Variants in TFEC observed in about 807,000 individuals in gnomAD.
The protein encoded by TFEC is class E basic helix-loop-helix protein 34.
A neutral mutation model predicts 41.6 loss-of-function variants in TFEC; 31 were observed. The observed-to-expected ratio is 0.74, with a 90% CI of 0.56 to 1.01. The LOEUF (loss-of-function observed/expected upper bound fraction) is 1.01, where lower values mean the gene tolerates loss of function less well. Among genes scored for constraint, TFEC ranks in the 50% least tolerant of loss-of-function variants. The probability of loss-of-function intolerance (pLI) is 0.00; values close to 1 mark genes in which losing one functional copy is unlikely to be tolerated. For synonymous variants in TFEC, 143 were observed against 140.6 expected, an observed-to-expected ratio of 1.02 and a Z score of -0.12; for missense variants, 402 against 404.1, an observed-to-expected ratio of 0.99 and a Z score of 0.04.
At chr7:115,946,841 G>A (rs1451817265) in intron 6 of TFEC, among the ~76,000 whole-genome samples, 1 of 150,750 alleles carries the variant, frequency 6.6e-6, no homozygotes, top group Non-Finnish European at 1.5e-5. Context: ...TGGCCCACAA[G>A]TATCACTTTA....
chr7:115,984,218 T>G lies in TFEC; in HGVS notation c.180+44A>C. On this transcript the variant is annotated intron_variant, in intron 2 of 7. Transcript: ENST00000265440. ...TTCAATTACTTTAATAGAGGTTTTT[T>G]CAAAAACTGATGATATATTTTTATA... 3 of 1,592,158 alleles carry G rather than the reference T, an allele frequency of 1.9e-6. No individual in the cohort carries two copies. In the East Asian group the frequency reaches 6.8e-5, roughly 36 times the overall value.
intron 3 of TFEC, among the ~76,000 whole-genome samples, chr7:116,048,172 TA>T (rs1288750754): frequency 2.6e-5 from 4 of 152,080 alleles, no homozygotes; most frequent in Non-Finnish European, 4.4e-5. Flanking sequence ...TTGGTAATAA[TA>T]AACTTCTCCG....
intron 1 of TFEC, among the ~76,000 whole-genome samples, chr7:116,156,186 C>A (rs1798867596): frequency 6.6e-6 from 1 of 152,050 alleles, no homozygotes; most frequent in Admixed American, 6.5e-5. Context: ...AGGCTCCCAG[C>A]CATTGGAAAG....
At chr7:116,062,110 G>A (rs955021650) in intron 3 of TFEC, among the ~76,000 whole-genome samples, 16 of 150,394 alleles carry the variant, frequency 1.1e-4, no homozygotes, top group African/African-American at 3.7e-4. Context: ...GTCCAGGCTG[G>A]ACTGCAGTGG....
intron 3 of TFEC, among the ~76,000 whole-genome samples, chr7:116,081,195 A>G (rs989220775): frequency 8.6e-5 from 13 of 151,950 alleles, no homozygotes; most frequent in African/African-American, 2.9e-4. Context: ...AGAATTATAC[A>G]TTGGACTTTG....
intron 1 of TFEC, among the ~76,000 whole-genome samples, chr7:116,029,781 T>C: frequency 6.6e-6 from 1 of 152,136 alleles, no homozygotes; most frequent in South Asian, 2.1e-4. Context: ...CTTTTGATTA[T>C]TACAATTGAA....
chr7:116,087,334 A>C (rs1411362554), intron 3 of TFEC, among the ~76,000 whole-genome samples: 4 of 152,148 alleles, frequency 2.6e-5, no homozygotes, highest in East Asian at 3.9e-4. Context: ...AGAAATAAAA[A>C]TTATCACATT....
intron 1 of TFEC, among the ~76,000 whole-genome samples, chr7:115,990,210 C>A (rs1794045024): frequency 6.6e-6 from 1 of 152,082 alleles, no homozygotes; most frequent in Admixed American, 6.6e-5. Flanking sequence ...ACATCCACAC[C>A]AAAACCCCAT....
intron 2 of TFEC, among the ~76,000 whole-genome samples, chr7:115,979,045 G>C (rs1009220324): frequency 3.9e-5 from 6 of 152,156 alleles, no homozygotes; most frequent in African/African-American, 1.4e-4. Context: ...ATCTCCACGT[G>C]ATGATCTCAC....
At chr7:116,025,433 C>G (rs1795550573) in intron 1 of TFEC, among the ~76,000 whole-genome samples, 2 of 152,046 alleles carry the variant, frequency 1.3e-5, no homozygotes, top group African/African-American at 4.8e-5. Flanking sequence ...AAATCCAACC[C>G]AAGTTTGATT....
chr7:116,131,667 T>C (rs1301936287), intron 1 of TFEC, among the ~76,000 whole-genome samples: 1 of 152,184 alleles, frequency 6.6e-6, no homozygotes, highest in Non-Finnish European at 1.5e-5. Context: ...CATTTTTTTC[T>C]AGCTAACATG....
chr7:116,144,687 G>T (rs911384703), intron 1 of TFEC, among the ~76,000 whole-genome samples: 1 of 152,058 alleles, frequency 6.6e-6, no homozygotes, highest in Non-Finnish European at 1.5e-5. Flanking sequence ...TTTGAATAAA[G>T]AAAATTAATC....
At chr7:116,154,289 G>A (rs1003394865) in intron 1 of TFEC, among the ~76,000 whole-genome samples, 1 of 152,214 alleles carries the variant, frequency 6.6e-6, no homozygotes, top group South Asian at 2.1e-4. Context: ...AAACTCTGTC[G>A]ATTTCAAATG....
intron 1 of TFEC, among the ~76,000 whole-genome samples, chr7:116,127,110 G>T (rs10953809): frequency 0.37 from 55,285 of 150,366 alleles, 10,388 homozygotes; most frequent in East Asian, 0.58. Context: ...TTTGTTTTTT[G>T]TTTTTGAGAC....
intron 1 of TFEC, among the ~76,000 whole-genome samples, chr7:115,992,811 T>C (rs904400694): frequency 9.2e-5 from 14 of 152,178 alleles, no homozygotes; most frequent in Non-Finnish European, 1.8e-4. Flanking sequence ...CTGAAACTAT[T>C]CCAATCAATA....
At chr7:116,139,627 A>G (rs1798500711) in intron 1 of TFEC, among the ~76,000 whole-genome samples, 1 of 152,176 alleles carries the variant, frequency 6.6e-6, no homozygotes, top group African/African-American at 2.4e-5. Context: ...ATCTTAAGAA[A>G]CAGAAAACAA....
chr7:115,993,567 A>G (rs1336059480), intron 1 of TFEC, among the ~76,000 whole-genome samples: 3 of 152,204 alleles, frequency 2.0e-5, no homozygotes, highest in African/African-American at 7.2e-5. Flanking sequence ...CCAATAACAG[A>G]CAAACAGAGA....
In TFEC at chr7:115,935,178, T is replaced by C. The variant is rs1793170815; in HGVS notation, c.*5373A>G. On this transcript the variant is annotated 3_prime_UTR_variant, in exon 8 of 8. Coordinates refer to ENST00000265440, the MANE Select transcript of TFEC (RefSeq NM_012252.4). ...TTCATAATTATAGTCTTTCATTTAA[T>C]ATATGCAAAGAAAATATTGGTACAT... The C allele has an allele frequency of 6.6e-6, 1 of 151,770 alleles. No homozygotes were observed. The highest frequency in any genetic ancestry group is 1.5e-5 in the Non-Finnish European group (1 of 67,632). 9.4% of individuals were successfully genotyped at this position (151,770 alleles called of 1,614,324 possible). A position where few individuals can be genotyped will look rare whatever the true frequency, so the allele number is the denominator to read the frequency against.
chr7:116,053,424 C>T (rs145604999), intron 3 of TFEC, among the ~76,000 whole-genome samples: 109 of 152,150 alleles, frequency 7.2e-4, no homozygotes, highest in Non-Finnish European at 8.8e-5. Context: ...GCTGCTGCTG[C>T]TGATGATGAC....
Sources: allele counts gnomAD v4.1 joint callset (sites outside exome capture counted in the v4.1 genomes callset), GRCh38; gene constraint gnomAD v4.1.1; transcripts MANE v1.5; gene names NCBI Gene and HGNC (gene_info 2026-07-23, HGNC 2026-07-21).